Variants in TNFSF4 observed in about 807,000 individuals in gnomAD.
TNFSF4 encodes TNF superfamily member 4.
Under a neutral mutation model 7.3 loss-of-function variants are expected in TNFSF4, and 4 were observed. That is an observed-to-expected ratio of 0.55 (90% CI 0.27 to 1.25). The LOEUF is 1.25. Among genes scored for constraint, TNFSF4 ranks in the 50% most tolerant of loss-of-function variants. The probability of loss-of-function intolerance (pLI) is 0.12; values close to 1 mark genes in which losing one functional copy is unlikely to be tolerated. For missense variants in TNFSF4, 181 were observed against 208.8 expected (o/e 0.87, Z 0.82); for synonymous variants, 76 against 83.7 (o/e 0.91, Z 0.50).
At chr1:173,337,096 AC>A in the TNFSF4 span, among the ~76,000 whole-genome samples, 1 of 152,146 alleles carries the variant, frequency 6.6e-6, no homozygotes, top group Non-Finnish European at 1.5e-5. Flanking sequence ...ATCCAACCAT[AC>A]TTAAAATGAC....
chr1:173,206,343 G>T (rs1650188465), intron 1 of TNFSF4, among the ~76,000 whole-genome samples: 1 of 152,130 alleles, frequency 6.6e-6, no homozygotes, highest in Non-Finnish European at 1.5e-5. Flanking sequence ...AAAGAAAAAT[G>T]GAAATATTTT....
chr1:173,358,562 C>T, the TNFSF4 span, among the ~76,000 whole-genome samples: 1 of 152,164 alleles, frequency 6.6e-6, no homozygotes, highest in African/African-American at 2.4e-5. Context: ...CCTGGGTGTA[C>T]ATTCAACAAA....
chr1:173,384,817 T>C, the TNFSF4 span, among the ~76,000 whole-genome samples: 1 of 152,244 alleles, frequency 6.6e-6, no homozygotes, highest in Non-Finnish European at 1.5e-5. Flanking sequence ...AGACCCATTT[T>C]TTCTCATGAA....
chr1:173,352,787 T>TG, the TNFSF4 span, among the ~76,000 whole-genome samples: 96,961 of 151,816 alleles, frequency 0.64, 31,064 homozygotes, highest in Admixed American at 0.69. Context: ...CTAGCAAGCC[T>TG]GGGGGTGCTG....
chr1:173,332,630 T>C, the TNFSF4 span, among the ~76,000 whole-genome samples: 1 of 152,052 alleles, frequency 6.6e-6, no homozygotes, highest in Non-Finnish European at 1.5e-5. Context: ...CCAAGGCGGG[T>C]GGATCACGAG....
the TNFSF4 span, among the ~76,000 whole-genome samples, chr1:173,399,015 T>A: frequency 6.6e-6 from 1 of 152,166 alleles, no homozygotes; most frequent in Non-Finnish European, 1.5e-5. Context: ...GGCTGAACAC[T>A]TAACTGTGGG....
the TNFSF4 span, among the ~76,000 whole-genome samples, chr1:173,442,686 G>A: frequency 6.6e-6 from 1 of 151,728 alleles, no homozygotes; most frequent in Non-Finnish European, 1.5e-5. Flanking sequence ...GAGTAGCTGG[G>A]ATTACAGGCA....
the TNFSF4 span, among the ~76,000 whole-genome samples, chr1:173,369,480 T>A: frequency 6.6e-6 from 1 of 152,196 alleles, no homozygotes; most frequent in African/African-American, 2.4e-5. Context: ...TTTCCGCTGC[T>A]GCTTCAGTGA....
At chr1:173,333,473 T>C in the TNFSF4 span, among the ~76,000 whole-genome samples, 80 of 152,152 alleles carry the variant, frequency 5.3e-4, no homozygotes, top group Non-Finnish European at 9.1e-4. Context: ...GCTGAAGCCC[T>C]AGCCCATAAT....
At chr1:173,202,070 TACACACAC>T (rs1553213097) in intron 1 of TNFSF4, among the ~76,000 whole-genome samples, 1 of 149,554 alleles carries the variant, frequency 6.7e-6, no homozygotes, top group African/African-American at 2.5e-5. Context: ...TATATATATA[TACACACAC>T]ACATACACAT....
intron 1 of TNFSF4, chr1:173,205,666 T>C (rs1216583624): frequency 5.8e-6 from 5 of 859,106 alleles, no homozygotes; most frequent in Non-Finnish European, 4.3e-6. Context: ...TTGGTTACTC[T>C]CTTTGTTTTC....
chr1:173,442,369 C>T, the TNFSF4 span, among the ~76,000 whole-genome samples: 2 of 151,964 alleles, frequency 1.3e-5, no homozygotes, highest in Non-Finnish European at 2.9e-5. Context: ...CCCAACTCCT[C>T]CCCAGAACCC....
the TNFSF4 span, chr1:173,362,977 A>T: frequency 9.4e-5 from 34 of 363,426 alleles, no homozygotes; most frequent in Admixed American, 5.2e-4. Flanking sequence ...GACTTTTTTT[A>T]AAATTCTTCT....
chr1:173,345,974 G>A, the TNFSF4 span, among the ~76,000 whole-genome samples: 1 of 152,180 alleles, frequency 6.6e-6, no homozygotes, highest in Non-Finnish European at 1.5e-5. Context: ...GAGTGACCCT[G>A]AGGGCAGGGC....
the TNFSF4 span, among the ~76,000 whole-genome samples, chr1:173,225,140 T>C: frequency 6.6e-6 from 1 of 152,204 alleles, no homozygotes; most frequent in Admixed American, 6.5e-5. Context: ...GTGAAGGTTA[T>C]GTGGTAAGAA....
the TNFSF4 span, among the ~76,000 whole-genome samples, chr1:173,373,881 C>G: frequency 1.3e-5 from 2 of 152,216 alleles, no homozygotes; most frequent in East Asian, 1.9e-4. Flanking sequence ...TAGATTTGAG[C>G]TTCCCCAAAG....
the TNFSF4 span, among the ~76,000 whole-genome samples, chr1:173,278,617 A>G: frequency 6.6e-6 from 1 of 152,108 alleles, no homozygotes; most frequent in Non-Finnish European, 1.5e-5. Context: ...CAAATCAAAT[A>G]TGATCTCAGC....
chr1:173,210,255 C>T (rs1264852427), upstream of TNFSF4, among the ~76,000 whole-genome samples: 1 of 152,108 alleles, frequency 6.6e-6, no homozygotes, highest in Non-Finnish European at 1.5e-5. Flanking sequence ...GACAGGAAAG[C>T]GGAATCTCCA....
At chr1:173,421,673 T>C in the TNFSF4 span, among the ~76,000 whole-genome samples, 1 of 151,610 alleles carries the variant, frequency 6.6e-6, no homozygotes, top group African/African-American at 2.4e-5. Context: ...TTATCGTTTC[T>C]GGAAAAAAAA....
Sources: gnomAD v4.1 joint callset for allele counts (sites outside exome capture counted in the v4.1 genomes callset) on GRCh38, gnomAD v4.1.1 for gene constraint, MANE v1.5 for transcripts, NCBI Gene and HGNC (gene_info 2026-07-23, HGNC 2026-07-21) for gene names.